Variants in AIPL1 observed in about 807,000 individuals in gnomAD.
The protein encoded by AIPL1 is aryl-hydrocarbon-interacting protein-like 1.
In AIPL1, 23 loss-of-function variants were observed where a neutral mutation model predicts 32.9. That is an observed-to-expected ratio of 0.70 (90% CI 0.50 to 0.99). AIPL1 has a LOEUF of 0.99. Among genes scored for constraint, AIPL1 ranks in the 50% least tolerant of loss-of-function variants. AIPL1 has a pLI of 0.00. For missense variants in AIPL1, 485 were observed against 506.0 expected (o/e 0.96, Z 0.40); for synonymous variants, 210 against 209.4 (o/e 1.00, Z -0.02).
Position 6,425,407 on chromosome 17 carries a change from G to A in AIPL1, c.*53C>T, listed in dbSNP as rs151279098. ...ACCACGATCCTGGTCAATCGAACCA[G>A]AAGTGACCAGGCCACTTGCTCCCTG... On this transcript the variant is annotated 3_prime_UTR_variant, in exon 6 of 6. Transcript: ENST00000381129. The A allele has an allele frequency of 2.3e-3, 3,588 of 1,537,466 alleles. 7 individuals are homozygous for A. Among genetic ancestry groups the A allele is most frequent in the Non-Finnish European group, 2.9e-3 (3,266 of 1,145,472 alleles).
chr17:6,432,373 C>CA (rs58253836), intron 2 of AIPL1, among the ~76,000 whole-genome samples: 36,388 of 137,998 alleles, frequency 0.26, 5,373 homozygotes, highest in Admixed American at 0.37. Context: ...GACTCCGTCT[C>CA]AAAAAAAAAA....
rs1911696548 is a variant in AIPL1 at position 6,424,244 on chromosome 17, G to C, written c.*1216C>G. 6.6e-6 allele frequency: 1 copy of C among 152,228 alleles called. No individual in the cohort carries two copies. Among genetic ancestry groups the C allele is most frequent in the African/African-American group, 2.4e-5 (1 of 41,442 alleles). 9.4% of individuals were successfully genotyped at this position (152,228 alleles called of 1,614,324 possible). A position where few individuals can be genotyped will look rare whatever the true frequency, so the allele number is the denominator to read the frequency against. ...GCGAGTGGAAGCGGCTTTCCCTAAGGCATGACCCCCAGGGTGCCATGTCAG... is the reference window on the plus strand; with the variant it reads ...GCGAGTGGAAGCGGCTTTCCCTAAGCCATGACCCCCAGGGTGCCATGTCAG... On this transcript the variant is annotated 3_prime_UTR_variant, in exon 6 of 6. Transcript: ENST00000381129.
intron 2 of AIPL1, among the ~76,000 whole-genome samples, chr17:6,431,211 C>T (rs555224131): frequency 1.6e-4 from 24 of 151,770 alleles, no homozygotes; most frequent in Admixed American, 8.5e-4. Flanking sequence ...TTTGGGAGGC[C>T]GAGGCAGGCA....
At chr17:6,432,373 CA>C (rs58253836) in intron 2 of AIPL1, among the ~76,000 whole-genome samples, 264 of 138,108 alleles carry the variant, frequency 1.9e-3, no homozygotes, top group African/African-American at 4.4e-3. Context: ...GACTCCGTCT[CA>C]AAAAAAAAAA....
At chr17:6,432,414 T>C (rs1285002195) in intron 2 of AIPL1, among the ~76,000 whole-genome samples, 17 of 151,730 alleles carry the variant, frequency 1.1e-4, no homozygotes. Context: ...AGTAGACCTA[T>C]AGATAAAAAG....
At chr17:6,434,415 G>A (rs1187804834) in intron 1 of AIPL1, among the ~76,000 whole-genome samples, 3 of 146,812 alleles carry the variant, frequency 2.0e-5, no homozygotes, top group African/African-American at 7.7e-5. Flanking sequence ...TTGGAGTGCA[G>A]TGGTATGATC....
chr17:6,425,486 A>T lies in AIPL1; in HGVS notation c.1129T>A (p.Ser377Thr), dbSNP rs757143537. Residue 377 changes from serine to threonine, a missense_variant, in exon 6 of 6, where the codon TCC becomes ACC. Physicochemically the swap from Ser to Thr is moderately conservative, Grantham distance 58. Transcript: ENST00000381129. ...CAGTGCTGCAGCGAGTGCCCTGGGGACGGGGGTGGCTCTGTGGCTGGCTCT... is the reference window on the plus strand; with the variant it reads ...CAGTGCTGCAGCGAGTGCCCTGGGGTCGGGGGTGGCTCTGTGGCTGGCTCT... ...PAEPATEPPPSPGHSLQH is the reference protein window; with the variant it reads ...PAEPATEPPPTPGHSLQH 5.6e-6 allele frequency: 9 copies of T among 1,603,834 alleles called. No individual in the cohort carries two copies. Among genetic ancestry groups the T allele is most frequent in the Non-Finnish European group, 6.8e-6 (8 of 1,177,752 alleles).
Position 6,425,274 on chromosome 17 carries a change from T to C in AIPL1, c.*186A>G. Reference sequence around the variant, plus strand: ...GAGAGGGGTAGAGGAGAAAACTACTTTTATTCATAAGCTCTTCTGTACCCT... The same window carrying C: ...GAGAGGGGTAGAGGAGAAAACTACTCTTATTCATAAGCTCTTCTGTACCCT... On this transcript the variant is annotated 3_prime_UTR_variant, in exon 6 of 6. Transcript: ENST00000381129. 2.8e-6 allele frequency: 2 copies of C among 714,522 alleles called. No individual in the cohort carries two copies. The highest frequency in any genetic ancestry group is 2.1e-6 in the Non-Finnish European group (1 of 480,274). The allele number at this position is 714,522 out of a possible 1,614,324, so 44.3% of individuals were successfully genotyped here. A position where few individuals can be genotyped will look rare whatever the true frequency, so the allele number is the denominator to read the frequency against.
chr17:6,426,364 T>G (rs1448011466), intron 5 of AIPL1: 1 of 1,418,798 alleles, frequency 7.0e-7, no homozygotes, highest in African/African-American at 1.4e-5. Context: ...ACCGTTCCGC[T>G]GAAATCACAA....
intron 2 of AIPL1, 58 bp from the exon 3 acceptor site, chr17:6,428,564 A>G: frequency 1.3e-6 from 2 of 1,534,284 alleles, no homozygotes; most frequent in Non-Finnish European, 1.8e-6. Flanking sequence ...TAGGTGGGCC[A>G]TAAAAGGCCT....
In AIPL1 at chr17:6,425,722, T is replaced by C. The variant is rs1330755530; in HGVS notation, c.893A>G (p.Gln298Arg). 3 of 1,607,850 alleles carry C rather than the reference T, an allele frequency of 1.9e-6. No individual in the cohort carries two copies. The highest frequency in any genetic ancestry group is 1.3e-5 in the African/African-American group (1 of 75,042). ...CCTCAGCTCCCTGCGCACCGCCTTC[T>C]GCATGGACGGCTCCAGCTCCAGCAC... ...QKVLELEPSM[Q>R]KAVRRELRLL... is the part of the protein sequence containing the mutation. Residue 298 changes from glutamine (Q) to arginine (R), a missense_variant, in exon 6 of 6, where the codon CAG becomes CGG. Physicochemically the swap from Gln to Arg is conservative, Grantham distance 43. Coordinates refer to ENST00000381129, the MANE Select transcript of AIPL1 (RefSeq NM_014336.5).
At chr17:6,429,824 GTAGATAGATAGATAGATAGA>G (rs772773845) in intron 2 of AIPL1, among the ~76,000 whole-genome samples, 46 of 67,606 alleles carry the variant, frequency 6.8e-4, no homozygotes, top group South Asian at 1.6e-3. Context: ...AGGTAGGTAG[GTAGATAGATAGATAGATAGA>G]TAGATAGATA....
At chr17:6,433,457 G>T (rs564386790) in intron 2 of AIPL1, among the ~76,000 whole-genome samples, 1 of 152,252 alleles carries the variant, frequency 6.6e-6, no homozygotes, top group African/African-American at 2.4e-5. Context: ...ATGAGGTGTG[G>T]TGGTGCACCT....
chr17:6,425,955 C>T, intron 5 of AIPL1, 125 bp from the exon 6 acceptor site: 9 of 1,305,402 alleles, frequency 6.9e-6, no homozygotes, highest in Non-Finnish European at 9.3e-6. Flanking sequence ...CTCTCTGTAT[C>T]CCCCATCCCT....
rs1329079300 is a variant in AIPL1, at chr17:6,425,660, C to G, written c.955G>C (p.Glu319Gln). 6.2e-7 allele frequency: 1 copy of G among 1,611,060 alleles called. No homozygotes were observed. Among genetic ancestry groups the G allele is most frequent in the Admixed American group, 1.7e-5 (1 of 60,004 alleles). Residue 319 changes from glutamate to glutamine, a missense_variant, in exon 6 of 6, where the codon GAG (glutamate) becomes CAG (glutamine). Coordinates refer to ENST00000381129, the MANE Select transcript of AIPL1 (RefSeq NM_014336.5). ...AGCATGTTCCGGCAGCGCAGCCGCT[C>G]CTCCTCCTGCTTCTCCGCCATGCGG... ...ENRMAEKQEE[E>Q]RLRCRNMLSQ...
chr17:6,425,316 T>G lies in AIPL1; in HGVS notation c.*144A>C, dbSNP rs1294265168. 7 of 1,087,026 alleles carry G rather than the reference T, an allele frequency of 6.4e-6. No homozygotes were observed. The highest frequency in any genetic ancestry group is 2.0e-5 in the South Asian group (1 of 50,976). The allele number at this position is 1,087,026 out of a possible 1,614,324, so 67.3% of individuals were successfully genotyped here. ...CTGTACCCTTGGGATTGTTTTTTTT[T>G]TTTTTTTTACCATGGGTGTGTCTGA... On this transcript the variant is annotated 3_prime_UTR_variant, in exon 6 of 6. Coordinates refer to ENST00000381129, the MANE Select transcript of AIPL1 (RefSeq NM_014336.5).
intron 2 of AIPL1, among the ~76,000 whole-genome samples, chr17:6,433,586 A>ATCTCTCTC (rs149646818): frequency 0.011 from 696 of 65,526 alleles, 16 homozygotes; most frequent in African/African-American, 0.023. Flanking sequence ...GCGAGACCCT[A>ATCTCTCTC]TCTCTCTCTC....
intron 4 of AIPL1, 35 bp from the exon 5 acceptor site, chr17:6,426,791 A>G (rs1223334272): frequency 1.9e-6 from 3 of 1,612,606 alleles, no homozygotes; most frequent in Admixed American, 3.3e-5. Context: ...GACCTCAGGC[A>G]GCTGCCCAAC....
chr17:6,433,755 C>T (rs1047211450), intron 2 of AIPL1, among the ~76,000 whole-genome samples, 164 bp downstream of exon 2: 2 of 151,756 alleles, frequency 1.3e-5, no homozygotes, highest in African/African-American at 4.9e-5. Context: ...AGCCCTTGTT[C>T]CCTCCATCTT....
Sources: gnomAD v4.1 joint callset for allele counts (sites outside exome capture counted in the v4.1 genomes callset) on GRCh38, gnomAD v4.1.1 for gene constraint, MANE v1.5 for transcripts, NCBI Gene and HGNC (gene_info 2026-07-23, HGNC 2026-07-21) for gene names.